DNAH6: variants seen among roughly 807,000 people sequenced by gnomAD.
DNAH6 encodes the protein dynein axonemal heavy chain 6, also known as axonemal beta dynein heavy chain 6.
A neutral mutation model predicts 491.4 loss-of-function variants in DNAH6; 340 were observed. The observed-to-expected ratio is 0.69, with a 90% confidence interval of 0.63 to 0.76. The LOEUF (loss-of-function observed/expected upper bound fraction) is 0.76, where lower values mean the gene tolerates loss of function less well. DNAH6 is among the 30% of genes least tolerant of loss of function. The probability of loss-of-function intolerance (pLI) is 0.00; values close to 1 mark genes in which losing one functional copy is unlikely to be tolerated. For synonymous variants in DNAH6, 1,603 were observed against 1,686.1 expected (o/e 0.95, Z 1.21); for missense variants, 4,443 against 4,972.2 (o/e 0.89, Z 3.20).
intron 11 of DNAH6, among the ~76,000 whole-genome samples, chr2:84,558,776 A>C (rs531954101): frequency 6.6e-6 from 1 of 152,322 alleles, no homozygotes; most frequent in South Asian, 2.1e-4. Flanking sequence ...TCACTTATTG[A>C]GGTGATCGAT....
At chr2:84,535,975 A>C (rs916638019) in intron 4 of DNAH6, among the ~76,000 whole-genome samples, 1 of 151,954 alleles carries the variant, frequency 6.6e-6, no homozygotes, top group Non-Finnish European at 1.5e-5. Flanking sequence ...ACCAAGGTTT[A>C]CTCTGATAGC....
At chr2:84,647,302 A>G (rs1313735742) in intron 33 of DNAH6, among the ~76,000 whole-genome samples, 3 of 152,344 alleles carry the variant, frequency 2.0e-5, no homozygotes, top group Admixed American at 1.3e-4. Flanking sequence ...ATGCTGATGT[A>G]GAGGCTGCAG....
chr2:84,745,273 G>T (rs1672856365), intron 63 of DNAH6, 24 bp downstream of exon 63: 1 of 1,429,740 alleles, frequency 7.0e-7, no homozygotes, highest in African/African-American at 1.5e-5. Context: ...TTAATTAAAG[G>T]ACTGTGTTAC....
intron 23 of DNAH6, 97 bp from the exon 24 acceptor site, chr2:84,619,588 G>T: frequency 9.1e-7 from 1 of 1,093,228 alleles, no homozygotes; most frequent in East Asian, 2.6e-5. Flanking sequence ...GAAATTGGTG[G>T]ACAGGGAAGA....
intron 9 of DNAH6, among the ~76,000 whole-genome samples, chr2:84,552,122 A>C (rs1679446346): frequency 6.6e-6 from 1 of 151,856 alleles, no homozygotes; most frequent in Non-Finnish European, 1.5e-5. Context: ...CATTCGTTTT[A>C]ATCTGTGTCG....
chr2:84,583,624 G>A (rs1683255319), intron 14 of DNAH6, among the ~76,000 whole-genome samples: 1 of 152,148 alleles, frequency 6.6e-6, no homozygotes, highest in African/African-American at 2.4e-5. Flanking sequence ...ATGGGGCCAG[G>A]TGGAGATAAT....
At chr2:84,496,429 TA>T in the DNAH6 span, among the ~76,000 whole-genome samples, 8 of 152,220 alleles carry the variant, frequency 5.3e-5, no homozygotes, top group African/African-American at 1.9e-4. Flanking sequence ...TACAAAAATA[TA>T]ATCATGTTAT....
In DNAH6 at chr2:84,580,186, G is replaced by C. The variant is rs1350348839; in HGVS notation, c.2229+507G>C. Among the ~76,000 whole-genome samples, 3 of 152,134 alleles carry C rather than the reference G, an allele frequency of 2.0e-5. No individual in the cohort carries two copies. The East Asian group carries it at 5.8e-4, about 29-fold the overall frequency. On this transcript the variant is annotated intron_variant, in intron 14 of 76. Coordinates refer to ENST00000389394, the MANE Select transcript of DNAH6 (RefSeq NM_001370.2). ...AGTCAGGAAACTTACTGTTAAGAATGAAAGAAACCCAACACAAACCCGCTT... is the reference window on the plus strand; with the variant it reads ...AGTCAGGAAACTTACTGTTAAGAATCAAAGAAACCCAACACAAACCCGCTT...
In DNAH6 at chr2:84,547,252, TC is replaced by T; in HGVS notation, c.931-14del. The T allele has an allele frequency of 6.7e-7, 1 of 1,501,136 alleles. No homozygotes were observed. Among genetic ancestry groups the T allele is most frequent in the Non-Finnish European group, 8.9e-7 (1 of 1,117,874 alleles). The allele number at this position is 1,501,136 out of a possible 1,614,324, so 93.0% of individuals were successfully genotyped here. ...AGAATATTTTTACTAAATAATAAAT[TC>T]CTATTTTCATTCAGCATTTGCGACC... On this transcript the variant is annotated splice_polypyrimidine_tract_variant and intron_variant, in intron 5 of 76. Transcript: ENST00000389394.
In DNAH6 at chr2:84,624,276, C is replaced by A; in HGVS notation, c.4083C>A (p.Ala1361=). 6.5e-7 allele frequency: 1 copy of A among 1,546,890 alleles called. No homozygotes were observed. The highest frequency in any genetic ancestry group is 8.7e-7 in the Non-Finnish European group (1 of 1,145,444). ...TTTTTTATTTGTAGAGATTAAATGC[C>A]CTAGCTGCAATAGTTCAAGGCAGTC... The part of the protein sequence containing the change: ...FEKVNFERLN[A]LAAIVQGSLP... Residue 1361 remains alanine (A), a synonymous_variant, in exon 27 of 77, where the codon GCC becomes GCA. Coordinates refer to ENST00000389394, the MANE Select transcript of DNAH6 (RefSeq NM_001370.2).
intron 33 of DNAH6, among the ~76,000 whole-genome samples, chr2:84,647,304 A>T (rs999920284): frequency 1.3e-5 from 2 of 152,218 alleles, no homozygotes; most frequent in African/African-American, 2.4e-5. Flanking sequence ...GCTGATGTAG[A>T]GGCTGCAGTA....
At chr2:84,701,910 G>A (rs1336576169) in intron 49 of DNAH6, among the ~76,000 whole-genome samples, 7 of 152,080 alleles carry the variant, frequency 4.6e-5, no homozygotes, top group African/African-American at 1.7e-4. Context: ...TGACCAAAAA[G>A]TGTTTCCTGC....
intron 68 of DNAH6, 27 bp downstream of exon 68, chr2:84,787,329 T>C: frequency 1.3e-6 from 2 of 1,538,852 alleles, no homozygotes. Flanking sequence ...GGCCAGGCCT[T>C]CCATCTATGT....
intron 16 of DNAH6, among the ~76,000 whole-genome samples, chr2:84,589,416 AG>A (rs2104105906): frequency 6.6e-6 from 1 of 152,320 alleles, no homozygotes; most frequent in South Asian, 2.1e-4. Flanking sequence ...TGGGTGTAAA[AG>A]GGTAGATTTG....
In DNAH6 at chr2:84,573,557, G is replaced by C. The variant is rs1214386812; in HGVS notation, c.1894G>C (p.Asp632His). 6.3e-7 allele frequency: 1 copy of C among 1,587,260 alleles called. No homozygotes were observed. Among genetic ancestry groups the C allele is most frequent in the African/African-American group, 1.4e-5 (1 of 72,966 alleles). Reference sequence around the variant, plus strand: ...ATTCTTCAAGGAAAATGAAAGTCTTGATTTACAAGCTCTTAAACTTCAGGA... The same window carrying C: ...ATTCTTCAAGGAAAATGAAAGTCTTCATTTACAAGCTCTTAAACTTCAGGA... ...QIFFKENESL[D>H]LQALKLQEPD... The change falls in exon 12 of 77, where the codon GAT becomes CAT. Residue 632 changes from aspartate to histidine, a missense_variant. Asp to His is a moderately conservative substitution (Grantham distance 81). This residue lies in a region of DNAH6 where 2,977 missense variants were observed against 3,296.6 expected (regional missense o/e 0.90). Coordinates refer to ENST00000389394, the MANE Select transcript of DNAH6 (RefSeq NM_001370.2).
chr2:84,502,994 A>G, the DNAH6 span, among the ~76,000 whole-genome samples: 2 of 152,018 alleles, frequency 1.3e-5, no homozygotes, highest in South Asian at 2.1e-4. Context: ...TTTACATTCA[A>G]TGTTATTATT....
At chr2:84,546,212 C>G (rs1678772057) in intron 5 of DNAH6, among the ~76,000 whole-genome samples, 1 of 152,090 alleles carries the variant, frequency 6.6e-6, no homozygotes, top group African/African-American at 2.4e-5. Context: ...GAACTGGTTC[C>G]AGGACCACCC....
chr2:84,597,776 G>A (rs1472833190), intron 18 of DNAH6, among the ~76,000 whole-genome samples: 2 of 152,176 alleles, frequency 1.3e-5, no homozygotes, highest in Admixed American at 1.3e-4. Context: ...GTTTTATTCA[G>A]TAGTAAAATG....
At chr2:84,537,951 A>T (rs1255791776) in intron 4 of DNAH6, among the ~76,000 whole-genome samples, 1 of 152,126 alleles carries the variant, frequency 6.6e-6, no homozygotes, top group Non-Finnish European at 1.5e-5. Flanking sequence ...ATTAACACCA[A>T]CTATAGTATA....
Sources: allele counts gnomAD v4.1 joint callset (sites outside exome capture counted in the v4.1 genomes callset), GRCh38; gene constraint gnomAD v4.1.1; regional missense constraint gnomAD v4.1.1; transcripts MANE v1.5; gene names NCBI Gene and HGNC (gene_info 2026-07-23, HGNC 2026-07-21).